Variants in L3MBTL4 observed in about 807,000 individuals in gnomAD.
L3MBTL4 encodes the protein lethal(3)malignant brain tumor-like protein 4.
In L3MBTL4, 70 loss-of-function variants were observed where a neutral mutation model predicts 84.5. The observed-to-expected ratio is 0.83, with a 90% CI of 0.68 to 1.01. The LOEUF is 1.01. Among genes scored for constraint, L3MBTL4 ranks in the 50% least tolerant of loss-of-function variants. The probability of loss-of-function intolerance (pLI) is 0.00; values close to 1 mark genes in which losing one functional copy is unlikely to be tolerated. For missense variants in L3MBTL4, 715 were observed against 754.8 expected, an observed-to-expected ratio of 0.95 and a Z score of 0.62; for synonymous variants, 274 against 259.8, an observed-to-expected ratio of 1.05 and a Z score of -0.52.
intron 14 of L3MBTL4, among the ~76,000 whole-genome samples, chr18:6,108,139 A>T (rs538909801): frequency 2.6e-5 from 4 of 152,174 alleles, no homozygotes; most frequent in Non-Finnish European, 2.9e-5. Flanking sequence ...AGTGTCACGC[A>T]TGGTCCCTGG....
intron 1 of L3MBTL4, among the ~76,000 whole-genome samples, chr18:6,323,893 A>T (rs184282562): frequency 2.3e-4 from 35 of 152,254 alleles, no homozygotes; most frequent in African/African-American, 7.9e-4. Context: ...AGGCCCTGAA[A>T]GCATTTCAGA....
chr18:6,289,196 CTTAGGAAGGACA>C (rs1370690597), intron 4 of L3MBTL4, among the ~76,000 whole-genome samples: 1 of 151,882 alleles, frequency 6.6e-6, no homozygotes, highest in African/African-American at 2.4e-5. Flanking sequence ...AAGAATGGGT[CTTAGGAAGGACA>C]TTTTATGTGT....
chr18:6,111,393 T>G (rs1446525538), intron 14 of L3MBTL4, among the ~76,000 whole-genome samples: 10 of 152,198 alleles, frequency 6.6e-5, no homozygotes, highest in Admixed American at 3.3e-4. Flanking sequence ...GACTTAGGAT[T>G]TTTTAAAACA....
intron 16 of L3MBTL4, among the ~76,000 whole-genome samples, chr18:6,067,475 T>C (rs2057440173): frequency 1.3e-5 from 2 of 152,230 alleles, no homozygotes; most frequent in African/African-American, 4.8e-5. Context: ...CCATATTTCT[T>C]GTACACTTTA....
intron 16 of L3MBTL4, among the ~76,000 whole-genome samples, chr18:5,994,028 C>T (rs547436701): frequency 5.9e-5 from 9 of 152,334 alleles, no homozygotes; most frequent in South Asian, 2.1e-4. Context: ...CAGCCACTGG[C>T]GACGCTGGAA....
intron 3 of L3MBTL4, among the ~76,000 whole-genome samples, chr18:6,306,205 A>T (rs1365921979): frequency 2.0e-5 from 3 of 152,242 alleles, no homozygotes. Flanking sequence ...CCAATGTGGG[A>T]TATAAACTGA....
At chr18:6,063,919 G>A (rs978473785) in intron 16 of L3MBTL4, among the ~76,000 whole-genome samples, 2 of 151,930 alleles carry the variant, frequency 1.3e-5, no homozygotes, top group African/African-American at 4.8e-5. Flanking sequence ...TCTTAGTCTT[G>A]AATTCTTTGC....
chr18:6,297,152 A>G (rs1382427819), intron 4 of L3MBTL4, among the ~76,000 whole-genome samples: 2 of 152,170 alleles, frequency 1.3e-5, no homozygotes, highest in African/African-American at 2.4e-5. Context: ...TTTCAGTGCA[A>G]TGATGATTAT....
intron 1 of L3MBTL4, among the ~76,000 whole-genome samples, chr18:6,353,258 T>C (rs1483346332): frequency 6.6e-6 from 1 of 150,566 alleles, no homozygotes; most frequent in Non-Finnish European, 1.5e-5. Context: ...AAACCAAAAC[T>C]TTCAAGAGAC....
Position 6,323,751 on chromosome 18 carries a change from A to C in L3MBTL4, c.-90-11695T>G, listed in dbSNP as rs192713163. Among the ~76,000 whole-genome samples, 607 of 152,370 alleles carry C rather than the reference A, an allele frequency of 4.0e-3. 8 individuals carry two copies. Among genetic ancestry groups the C allele is most frequent in the African/African-American group, 0.013 (560 of 41,584 alleles). On this transcript the variant is annotated intron_variant, in intron 1 of 18. Transcript: ENST00000317931. ...ATTTAAAAAGGAAGCAGAGTGTAAA[A>C]GTTTGGAAAATTTGCAGCCTGGCCA...
intron 12 of L3MBTL4, among the ~76,000 whole-genome samples, chr18:6,212,521 C>T (rs1406625370): frequency 1.3e-5 from 2 of 152,124 alleles, no homozygotes; most frequent in African/African-American, 4.8e-5. Flanking sequence ...GAGAAAAATA[C>T]AGTATAGAAA....
chr18:6,081,046 T>C (rs1598677910), intron 15 of L3MBTL4, 95 bp from the exon 16 acceptor site: 6 of 838,188 alleles, frequency 7.2e-6, no homozygotes, highest in Non-Finnish European at 1.1e-5. Flanking sequence ...AACTGCAGGG[T>C]AAACAATAGT....
intron 1 of L3MBTL4, chr18:6,395,003 C>A (rs2055210272): frequency 6.6e-6 from 1 of 152,150 alleles, no homozygotes; most frequent in Admixed American, 6.5e-5. Context: ...CCTTGACATA[C>A]ATGTAGATGT....
At chr18:6,209,598 A>G (rs2046018454) in intron 12 of L3MBTL4, among the ~76,000 whole-genome samples, 2 of 152,180 alleles carry the variant, frequency 1.3e-5, no homozygotes, top group Non-Finnish European at 1.5e-5. Context: ...TTTCCTCAAA[A>G]TCTGAAATAT....
At chr18:6,400,192 G>T (rs1256140832) in intron 1 of L3MBTL4, among the ~76,000 whole-genome samples, 1 of 152,136 alleles carries the variant, frequency 6.6e-6, no homozygotes, top group African/African-American at 2.4e-5. Flanking sequence ...TTACACTATT[G>T]AAAAGTTTTG....
intron 13 of L3MBTL4, among the ~76,000 whole-genome samples, chr18:6,159,672 T>C (rs1281200837): frequency 2.6e-5 from 4 of 152,188 alleles, no homozygotes; most frequent in East Asian, 1.9e-4. Flanking sequence ...TGGCTCTCCC[T>C]GAAGGGCCAG....
At chr18:6,074,082 T>C (rs972884864) in intron 16 of L3MBTL4, among the ~76,000 whole-genome samples, 7 of 151,362 alleles carry the variant, frequency 4.6e-5, no homozygotes, top group Non-Finnish European at 1.0e-4. Flanking sequence ...TTTTGTTTTT[T>C]TGTTTGTTTT....
At chr18:6,290,985 T>A (rs976169486) in intron 4 of L3MBTL4, among the ~76,000 whole-genome samples, 27 of 152,164 alleles carry the variant, frequency 1.8e-4, no homozygotes, top group African/African-American at 6.3e-4. Context: ...GAACAAGTCT[T>A]GTGCCTGATG....
At chr18:6,026,214 T>C (rs1260785544) in intron 16 of L3MBTL4, among the ~76,000 whole-genome samples, 1 of 152,200 alleles carries the variant, frequency 6.6e-6, no homozygotes, top group Admixed American at 6.5e-5. Flanking sequence ...AATTCTGGTG[T>C]CCTAGATTAG....
Sources: gnomAD v4.1 joint callset for allele counts (sites outside exome capture counted in the v4.1 genomes callset) on GRCh38, gnomAD v4.1.1 for gene constraint, MANE v1.5 for transcripts, NCBI Gene and HGNC (gene_info 2026-07-23, HGNC 2026-07-21) for gene names.